AAK1: variants seen among roughly 807,000 people sequenced by gnomAD.
The protein encoded by AAK1 is AP2-associated protein kinase 1.
A neutral mutation model predicts 116.0 loss-of-function variants in AAK1; 37 were observed. That is an observed-to-expected ratio of 0.32 (90% CI 0.25 to 0.42). The LOEUF (loss-of-function observed/expected upper bound fraction) is 0.42. AAK1 is among the 10% of genes least tolerant of loss of function. AAK1 has a pLI of 1.00. For missense variants in AAK1, 919 were observed against 1,170.6 expected (o/e 0.79, Z 3.14); for synonymous variants, 458 against 439.9 (o/e 1.04, Z -0.51).
chr2:69,509,525 CA>C, intron 13 of AAK1, 65 bp from the exon 14 acceptor site: 1 of 1,374,300 alleles, frequency 7.3e-7, no homozygotes, highest in Non-Finnish European at 9.9e-7. Flanking sequence ...GAAAAACAAA[CA>C]GATAAGTGTA....
intron 2 of AAK1, among the ~76,000 whole-genome samples, chr2:69,571,413 C>T (rs1672090255): frequency 6.6e-6 from 1 of 152,142 alleles, no homozygotes; most frequent in Non-Finnish European, 1.5e-5. Flanking sequence ...CTTCCAACAC[C>T]CACAAAATCT....
intron 2 of AAK1, among the ~76,000 whole-genome samples, chr2:69,572,056 G>C (rs1403019128): frequency 2.0e-5 from 3 of 152,264 alleles, no homozygotes; most frequent in Admixed American, 1.3e-4. Context: ...CTGTGAAGAA[G>C]GTAAGTTTCC....
chr2:69,470,230 G>A lies in AAK1; in HGVS notation c.*5639C>T, dbSNP rs1215283203. The A allele has an allele frequency of 4.9e-5, 48 of 985,270 alleles. No homozygotes were observed. Among genetic ancestry groups the A allele is most frequent in the Non-Finnish European group, 4.2e-5 (35 of 829,932 alleles). 61.0% of individuals were successfully genotyped at this position (985,270 alleles called of 1,614,324 possible). A position where few individuals can be genotyped will look rare whatever the true frequency, so the allele number is the denominator to read the frequency against. ...AAAGATATGATTCTTGCCAAAAACA[G>A]AAAACGAAGACTTGGAGCATTGAGA... On this transcript the variant is annotated 3_prime_UTR_variant, in exon 22 of 22. Transcript: ENST00000409085.
At chr2:69,554,816 A>G (rs1572952384) in intron 3 of AAK1, among the ~76,000 whole-genome samples, 1 of 152,230 alleles carries the variant, frequency 6.6e-6, no homozygotes, top group East Asian at 1.9e-4. Flanking sequence ...TGAATATTAA[A>G]GCTTTGAAAG....
Position 69,507,600 on chromosome 2 carries a change from C to A in AAK1, c.2007-22G>T, listed in dbSNP as rs372680972. On this transcript the variant is annotated intron_variant, in intron 14 of 21. Coordinates refer to ENST00000409085, the MANE Select transcript of AAK1 (RefSeq NM_014911.5). ...AGACCTAGGTAGGTTCCCACCCCCA[C>A]GAAACAAAAAGATATAAAAGTTGAA... 4 of 1,545,774 alleles carry A rather than the reference C, an allele frequency of 2.6e-6. No individual in the cohort carries two copies. The Admixed American group carries it at 6.2e-5, about 24-fold the overall frequency.
chr2:69,609,582 T>C (rs1388257773), intron 2 of AAK1, among the ~76,000 whole-genome samples: 3 of 152,018 alleles, frequency 2.0e-5, no homozygotes, highest in Admixed American at 1.3e-4. Flanking sequence ...GAGAATCATT[T>C]GAACCCAGAA....
chr2:69,576,814 A>G (rs1672334463), intron 2 of AAK1, among the ~76,000 whole-genome samples: 2 of 152,376 alleles, frequency 1.3e-5, no homozygotes, highest in African/African-American at 4.8e-5. Context: ...AAGATCAAAT[A>G]AATGACCATG....
intron 2 of AAK1, among the ~76,000 whole-genome samples, chr2:69,585,994 T>C (rs958668628): frequency 2.0e-5 from 3 of 152,134 alleles, no homozygotes; most frequent in African/African-American, 7.2e-5. Context: ...CACCACCCTC[T>C]GCCTGATTGG....
Position 69,465,727 on chromosome 2 carries a change from C to A in AAK1, c.*10142G>T, listed in dbSNP as rs1323141334. ...CCTTTGTTTCTGTCATTAGAATGAC[C>A]CCCAGATTCCAGGCAGGATCCCCTG... On this transcript the variant is annotated 3_prime_UTR_variant, in exon 22 of 22. Coordinates refer to ENST00000409085, the MANE Select transcript of AAK1 (RefSeq NM_014911.5). 2 of 1,290,678 alleles carry A rather than the reference C, an allele frequency of 1.5e-6. No homozygotes were observed. Among genetic ancestry groups the A allele is most frequent in the African/African-American group, 3.0e-5 (2 of 65,780 alleles). The allele number at this position is 1,290,678 out of a possible 1,614,324, so 80.0% of individuals were successfully genotyped here. A position where few individuals can be genotyped will look rare whatever the true frequency, so the allele number is the denominator to read the frequency against.
intron 15 of AAK1, 135 bp downstream of exon 15, chr2:69,507,286 G>A (rs1676222810): frequency 9.4e-7 from 1 of 1,058,430 alleles, no homozygotes; most frequent in Non-Finnish European, 1.3e-6. Flanking sequence ...TTGAAATCAA[G>A]CCTTATGCAA....
At chr2:69,530,252 G>A in intron 7 of AAK1, 112 bp from the exon 8 acceptor site, 1 of 1,099,598 alleles carries the variant, frequency 9.1e-7, no homozygotes, top group Non-Finnish European at 1.3e-6. Flanking sequence ...AAAAACTATA[G>A]ACTATTAATG....
chr2:69,626,920 T>C (rs1486671802), intron 2 of AAK1, among the ~76,000 whole-genome samples: 3 of 152,198 alleles, frequency 2.0e-5, no homozygotes, highest in Non-Finnish European at 4.4e-5. Flanking sequence ...AACTGGTTTC[T>C]ACTGAGCTCT....
chr2:69,639,598 T>C (rs555743383), intron 2 of AAK1, among the ~76,000 whole-genome samples: 1 of 152,242 alleles, frequency 6.6e-6, no homozygotes, highest in Admixed American at 6.5e-5. Context: ...CTTTTTGTCT[T>C]ACCCAGCACC....
rs143653223 is a variant in AAK1 at position 69,532,297 on chromosome 2, C to T, written c.535-135G>A. 4.6e-4 allele frequency: 497 copies of T among 1,070,978 alleles called. 2 individuals are homozygous for T. The African/African-American group carries it at 7.1e-3, about 15-fold the overall frequency. 66.3% of individuals were successfully genotyped at this position (1,070,978 alleles called of 1,614,324 possible). On this transcript the variant is annotated intron_variant, in intron 5 of 21. Transcript: ENST00000409085. ...ATGTGCACAGGGAAGTTATTCCTCT[C>T]CAAGTATCTCAACAGGGGTCATCCC... is the stretch of plus-strand genomic sequence containing the variant.
chr2:69,583,396 A>C (rs943486606), intron 2 of AAK1, among the ~76,000 whole-genome samples: 1 of 152,242 alleles, frequency 6.6e-6, no homozygotes, highest in African/African-American at 2.4e-5. Context: ...GAATTAGGGA[A>C]GCATTACTTC....
Position 69,472,092 on chromosome 2 carries a change from C to A in AAK1, c.*3777G>T. 4.1e-6 allele frequency: 4 copies of A among 984,394 alleles called. No homozygotes were observed. Among genetic ancestry groups the A allele is most frequent in the Non-Finnish European group, 4.8e-6 (4 of 829,050 alleles). 61.0% of individuals were successfully genotyped at this position (984,394 alleles called of 1,614,324 possible). A position where few individuals can be genotyped will look rare whatever the true frequency, so the allele number is the denominator to read the frequency against. On this transcript the variant is annotated 3_prime_UTR_variant, in exon 22 of 22. Coordinates refer to ENST00000409085, the MANE Select transcript of AAK1 (RefSeq NM_014911.5). ...ATATCTTTCAATGTTTTAAACCATT[C>A]TAAAGACTAAGGAATCACAGAAGTT...
chr2:69,642,938 T>C lies in AAK1; in HGVS notation c.103A>G (p.Ile35Val), dbSNP rs766303248. ...GSTSGLGSGY[I>V]GRVFGIGRQQ... Reference sequence around the variant, plus strand: ...CGCCCGATGCCGAAGACTCTTCCGATGTAGCCACTGCCCAGGCCCGAGGTG... The same window carrying C: ...CGCCCGATGCCGAAGACTCTTCCGACGTAGCCACTGCCCAGGCCCGAGGTG... The change falls in exon 2 of 22, where the codon ATC becomes GTC. Residue 35 changes from isoleucine (I) to valine (V), a missense_variant. Ile to Val is a conservative substitution (Grantham distance 29). Around this residue, in one of 4 missense-constraint regions of AAK1, gnomAD observed 317 missense variants for 490.4 expected, o/e 0.65. Transcript: ENST00000409085. 3 of 1,613,824 alleles carry C rather than the reference T, an allele frequency of 1.9e-6. No homozygotes were observed. Among genetic ancestry groups the C allele is most frequent in the Admixed American group, 1.7e-5 (1 of 60,000 alleles).
chr2:69,484,202 T>C (rs1675201367), intron 17 of AAK1, among the ~76,000 whole-genome samples: 1 of 152,224 alleles, frequency 6.6e-6, no homozygotes, highest in Admixed American at 6.5e-5. Flanking sequence ...AATAAATCTG[T>C]ATTCTTCTAG....
chr2:69,640,062 C>G (rs2105275362), intron 2 of AAK1, among the ~76,000 whole-genome samples: 1 of 150,394 alleles, frequency 6.6e-6, no homozygotes, highest in African/African-American at 2.4e-5. Context: ...CACTCTCTCT[C>G]TCTCTCTCTC....
Sources: gnomAD v4.1 joint callset for allele counts (sites outside exome capture counted in the v4.1 genomes callset) on GRCh38, gnomAD v4.1.1 for gene constraint, gnomAD v4.1.1 regional missense constraint, MANE v1.5 for transcripts, NCBI Gene and HGNC (gene_info 2026-07-23, HGNC 2026-07-21) for gene names.